The following MAP3K2 variants were observed in gnomAD, a reference collection of about 807,000 sequenced individuals.
The protein encoded by MAP3K2 is MAP/ERK kinase kinase 2.
Under a neutral mutation model 80.3 loss-of-function variants are expected in MAP3K2, and 24 were observed. The ratio of observed to expected loss-of-function variants is 0.30; its 90% CI spans 0.22 to 0.42. The LOEUF (loss-of-function observed/expected upper bound fraction) is 0.42. Among genes scored for constraint, MAP3K2 ranks in the 10% least tolerant of loss-of-function variants. The pLI is 1.00. For synonymous variants in MAP3K2, 244 were observed against 253.7 expected (o/e 0.96, Z 0.36); for missense variants, 608 against 750.1 (o/e 0.81, Z 2.21).
At chr2:127,378,981 GTTTTTTTTT>G (rs58961718) in intron 1 of MAP3K2, among the ~76,000 whole-genome samples, 1 of 88,050 alleles carries the variant, frequency 1.1e-5, no homozygotes, top group African/African-American at 4.5e-5. Context: ...GTTTTTTGTT[GTTTTTTTTT>G]TTTTTTTTTT....
intron 1 of MAP3K2, among the ~76,000 whole-genome samples, chr2:127,372,759 C>A (rs952754134): frequency 6.6e-6 from 1 of 152,110 alleles, no homozygotes; most frequent in Non-Finnish European, 1.5e-5. Flanking sequence ...GAATAGTGAT[C>A]TTTAAAGGGA....
chr2:127,358,825 T>A (rs1164146936), intron 1 of MAP3K2, among the ~76,000 whole-genome samples: 4 of 152,042 alleles, frequency 2.6e-5, no homozygotes, highest in African/African-American at 7.2e-5. Flanking sequence ...GCTACTTGAC[T>A]GGCTGAGGCA....
chr2:127,343,346 A>G (rs1686536455), intron 1 of MAP3K2, 152 bp from the exon 2 acceptor site: 5 of 479,904 alleles, frequency 1.0e-5, no homozygotes, highest in Non-Finnish European at 1.9e-5. Flanking sequence ...TTTATATTGA[A>G]GGTTGATCAT....
intron 1 of MAP3K2, among the ~76,000 whole-genome samples, chr2:127,377,610 C>G (rs1687173150): frequency 6.6e-6 from 1 of 152,050 alleles, no homozygotes; most frequent in African/African-American, 2.4e-5. Flanking sequence ...TGAGCCTTAC[C>G]TGTAAAATCA....
intron 2 of MAP3K2, 146 bp downstream of exon 2, chr2:127,342,980 T>TA: frequency 1.7e-6 from 1 of 585,570 alleles, no homozygotes; most frequent in South Asian, 3.0e-5. Flanking sequence ...CAAAGTCTAT[T>TA]AAGTAAATAT....
chr2:127,314,854 A>G lies in MAP3K2; in HGVS notation c.1356T>C (p.Tyr452=). Residue 452 remains tyrosine, a synonymous_variant, in exon 15 of 17, where the codon TAT becomes TAC. Transcript: ENST00000682094. ...GGSIKDQLKA[Y]GALTENVTRK... Reference sequence around the variant, plus strand: ...TAGTCACATTCTCAGTAAGAGCGCCATATGCTTTTAATTGGTCCTTAATTG... The same window carrying G: ...TAGTCACATTCTCAGTAAGAGCGCCGTATGCTTTTAATTGGTCCTTAATTG... 6.2e-7 allele frequency: 1 copy of G among 1,610,316 alleles called. No homozygotes were observed. The highest frequency in any genetic ancestry group is 1.1e-5 in the South Asian group (1 of 90,828).
chr2:127,383,267 C>T (rs530577362), intron 1 of MAP3K2, among the ~76,000 whole-genome samples: 3 of 152,256 alleles, frequency 2.0e-5, no homozygotes, highest in East Asian at 3.9e-4. Flanking sequence ...AATAAACAAC[C>T]CATATCAGGT....
chr2:127,316,056 C>CA (rs1442799045), intron 14 of MAP3K2, among the ~76,000 whole-genome samples: 22 of 151,284 alleles, frequency 1.5e-4, no homozygotes, highest in African/African-American at 4.6e-4. Flanking sequence ...GTCTAGGCAA[C>CA]AAAACAAGAC....
rs10558890 is a variant in MAP3K2, at chr2:127,365,116, C to CAAAAA, written c.-65-21927_-65-21923dup. On this transcript the variant is annotated intron_variant, in intron 1 of 16. Transcript: ENST00000682094. Reference sequence around the variant, plus strand: ...TGGGCGACAGAGTGAGACTCTGCCTCAAAAAAAAAAAAAAAAAAAAAAAAA... The same window carrying CAAAAA: ...TGGGCGACAGAGTGAGACTCTGCCTCAAAAAAAAAAAAAAAAAAAAAAAAAAAAAA... Among the ~76,000 whole-genome samples the CAAAAA allele has an allele frequency of 2.5e-4, 8 of 31,656 alleles. 4 individuals carry two copies. Among genetic ancestry groups the CAAAAA allele is most frequent in the African/African-American group, 4.6e-4 (4 of 8,786 alleles). 20.8% of individuals were successfully genotyped at this position (31,656 alleles called of 152,430 possible).
chr2:127,323,541 G>C (rs1320717791), intron 11 of MAP3K2, among the ~76,000 whole-genome samples: 1 of 151,912 alleles, frequency 6.6e-6, no homozygotes, highest in African/African-American at 2.4e-5. Context: ...TTTTTAATTA[G>C]CTGGGTGTGA....
intron 1 of MAP3K2, among the ~76,000 whole-genome samples, chr2:127,356,517 T>G (rs1376527814): frequency 6.6e-6 from 1 of 152,256 alleles, no homozygotes; most frequent in African/African-American, 2.4e-5. Context: ...TTTATTAGCC[T>G]AATTTTTTAT....
At chr2:127,330,881 G>A (rs1198200607) in intron 5 of MAP3K2, among the ~76,000 whole-genome samples, 1 of 152,118 alleles carries the variant, frequency 6.6e-6, no homozygotes, top group Non-Finnish European at 1.5e-5. Context: ...CTTTTCTTCT[G>A]TATAGATGAA....
chr2:127,364,517 C>T lies in MAP3K2; in HGVS notation c.-65-21323G>A, dbSNP rs1229008928. The stretch of plus-strand genomic sequence containing the variant: ...AAAAGAATTATCGTCTGTGGACTGT[C>T]AGACGATGTGCTAGACATTTCACAT... On this transcript the variant is annotated intron_variant, in intron 1 of 16. Coordinates refer to ENST00000682094, the MANE Select transcript of MAP3K2 (RefSeq NM_001371910.2). This position sits in a 1 kb window ranked among gnomAD's most constrained non-coding sequence, Gnocchi z 4.1. Among the ~76,000 whole-genome samples, 2 of 152,184 alleles carry T rather than the reference C, an allele frequency of 1.3e-5. No individual in the cohort carries two copies. Among genetic ancestry groups the T allele is most frequent in the Non-Finnish European group, 2.9e-5 (2 of 68,036 alleles).
chr2:127,386,978 G>C (rs1014374589), intron 1 of MAP3K2, among the ~76,000 whole-genome samples: 3 of 152,098 alleles, frequency 2.0e-5, no homozygotes, highest in African/African-American at 7.2e-5. Flanking sequence ...CATTGAGCTG[G>C]GAAGATGAAG....
Position 127,387,475 on chromosome 2 carries a change from G to T in MAP3K2, c.-89C>A. On this transcript the variant is annotated 5_prime_UTR_variant, in exon 1 of 17. Coordinates refer to ENST00000682094, the MANE Select transcript of MAP3K2 (RefSeq NM_001371910.2). ...ACCGGCTGCTCCGCAGGGACGTAGA[G>T]AGCCGCAGGCCCAAGGAGGGGCCGC... 1 of 985,046 alleles carries T rather than the reference G, an allele frequency of 1.0e-6. No individual in the cohort carries two copies. The highest frequency in any genetic ancestry group is 1.2e-6 in the Non-Finnish European group (1 of 830,298). The allele number at this position is 985,046 out of a possible 1,614,324, so 61.0% of individuals were successfully genotyped here. A position where few individuals can be genotyped will look rare whatever the true frequency, so the allele number is the denominator to read the frequency against.
At chr2:127,382,425 C>T (rs1263652542) in intron 1 of MAP3K2, among the ~76,000 whole-genome samples, 1 of 152,118 alleles carries the variant, frequency 6.6e-6, no homozygotes, top group Admixed American at 6.5e-5. Context: ...TTTATTTCTC[C>T]TTTATTTTTG....
chr2:127,336,104 C>T (rs930896141), intron 4 of MAP3K2, 135 bp from the exon 5 acceptor site: 1 of 529,944 alleles, frequency 1.9e-6, no homozygotes, highest in Non-Finnish European at 3.4e-6. Context: ...AACACTACAA[C>T]AGCACATTTT....
intron 3 of MAP3K2, among the ~76,000 whole-genome samples, chr2:127,338,518 T>A (rs755214813): frequency 6.6e-6 from 1 of 152,142 alleles, no homozygotes; most frequent in Non-Finnish European, 1.5e-5. Flanking sequence ...CAGTGTCTAT[T>A]GCTCCCCTCT....
intron 4 of MAP3K2, among the ~76,000 whole-genome samples, chr2:127,336,412 T>C (rs1014358906): frequency 3.3e-5 from 5 of 152,342 alleles, no homozygotes; most frequent in Middle Eastern, 6.8e-3. Flanking sequence ...TGGGTACATA[T>C]ATCATGTAGG....
Sources: gnomAD v4.1 joint callset for allele counts (sites outside exome capture counted in the v4.1 genomes callset) on GRCh38, gnomAD v4.1.1 for gene constraint, Gnocchi (gnomAD v3.1) non-coding constraint, MANE v1.5 for transcripts, NCBI Gene and HGNC (gene_info 2026-07-23, HGNC 2026-07-21) for gene names.